IQCM: variants seen among roughly 807,000 people sequenced by gnomAD.
IQCM encodes IQ domain-containing protein M.
In IQCM, 45 loss-of-function variants were observed where a neutral mutation model predicts 57.6. That is an observed-to-expected ratio of 0.78 (90% CI 0.62 to 1.00). The LOEUF is 1.00. Ranked by LOEUF, IQCM falls within the 50% of genes least tolerant of loss-of-function variation. IQCM has a pLI of 0.00. For missense variants in IQCM, 468 were observed against 511.6 expected (o/e 0.91, Z 0.82); for synonymous variants, 148 against 158.9 (o/e 0.93, Z 0.51).
At chr4:149,728,269 T>C (rs1766142656) in intron 5 of IQCM, among the ~76,000 whole-genome samples, 1 of 152,214 alleles carries the variant, frequency 6.6e-6, no homozygotes, top group South Asian at 2.1e-4. Context: ...ATCTTTTATA[T>C]CTTAGCTCAA....
chr4:149,558,922 T>G (rs1258436832), intron 10 of IQCM, among the ~76,000 whole-genome samples: 4 of 152,196 alleles, frequency 2.6e-5, no homozygotes, highest in Non-Finnish European at 4.4e-5. Context: ...TTAAACTCAG[T>G]GTTGAAAACT....
chr4:149,565,623 TAAG>T (rs1047448573), intron 9 of IQCM, among the ~76,000 whole-genome samples: 24 of 152,326 alleles, frequency 1.6e-4, no homozygotes, highest in African/African-American at 5.5e-4. Context: ...GAAATTTTCA[TAAG>T]AAGAATTTGT....
At chr4:149,436,400 A>C (rs72724082) in intron 12 of IQCM, among the ~76,000 whole-genome samples, 1,622 of 152,214 alleles carry the variant, frequency 0.011, 12 homozygotes, top group Non-Finnish European at 0.015. Context: ...CAATGGAGTG[A>C]GTGTTGAATT....
rs185450876 is a variant in IQCM at position 149,411,222 on chromosome 4, C to A, written c.1390+22174G>T. 1.9e-3 allele frequency among the ~76,000 whole-genome samples: 293 copies of A among 152,148 alleles called. 3 individuals carry two copies. The highest frequency in any genetic ancestry group is 6.8e-3 in the African/African-American group (282 of 41,548). On this transcript the variant is annotated intron_variant, in intron 13 of 13. Coordinates refer to ENST00000636793, the MANE Select transcript of IQCM (RefSeq NM_001363507.2). ...AGCAATTTTTTTCTACAATGTTTTT[C>A]AAATATCATTTTTACATGACTAATA...
intron 7 of IQCM, among the ~76,000 whole-genome samples, chr4:149,660,514 T>C (rs1760086411): frequency 6.6e-6 from 1 of 152,180 alleles, no homozygotes; most frequent in Non-Finnish European, 1.5e-5. Flanking sequence ...ATCATGCTGC[T>C]ACAAAGACAC....
intron 2 of IQCM, among the ~76,000 whole-genome samples, chr4:149,804,985 G>T (rs1238747052): frequency 6.6e-6 from 1 of 152,046 alleles, no homozygotes; most frequent in African/African-American, 2.4e-5. Flanking sequence ...AATCTTGAAT[G>T]ATGATGGGAG....
At chr4:149,650,515 C>T (rs142459011) in intron 7 of IQCM, among the ~76,000 whole-genome samples, 2,104 of 151,802 alleles carry the variant, frequency 0.014, 35 homozygotes, top group Non-Finnish European at 0.02. Context: ...GCCTCAGCCT[C>T]CCAAGTAGCT....
At chr4:149,629,570 G>GA (rs1171234347) in intron 7 of IQCM, among the ~76,000 whole-genome samples, 6 of 151,056 alleles carry the variant, frequency 4.0e-5, no homozygotes, top group Admixed American at 1.3e-4. Flanking sequence ...TTAACTAAGA[G>GA]AAAAAAAAAT....
rs1762491344 is a variant in IQCM at position 149,685,574 on chromosome 4, CGTT to C, written c.476+801_476+803del. Among the ~76,000 whole-genome samples the C allele has an allele frequency of 4.0e-5, 6 of 151,544 alleles. No individual in the cohort carries two copies. In the South Asian group the frequency reaches 1.2e-3, roughly 31 times the overall value. On this transcript the variant is annotated intron_variant, in intron 6 of 13. Transcript: ENST00000636793. ...TTAAGCACATAGCTCACAACTTAAA[CGTT>C]GGAAGACCCATAAAGTTCTTCATAG...
chr4:149,694,520 G>A (rs1018742149), intron 5 of IQCM, among the ~76,000 whole-genome samples: 1 of 151,676 alleles, frequency 6.6e-6, no homozygotes, highest in African/African-American at 2.4e-5. Flanking sequence ...CCTTCATAAA[G>A]AATCCCTATT....
chr4:149,574,158 C>T (rs180810136), intron 9 of IQCM, among the ~76,000 whole-genome samples: 18 of 151,998 alleles, frequency 1.2e-4, no homozygotes, highest in African/African-American at 4.3e-4. Flanking sequence ...TTGTGACTGT[C>T]AGATACATGG....
intron 8 of IQCM, among the ~76,000 whole-genome samples, chr4:149,598,299 A>T (rs1753959970): frequency 6.6e-6 from 1 of 152,132 alleles, no homozygotes. Flanking sequence ...AAAGAACTAA[A>T]CTCTAGAAGT....
intron 7 of IQCM, among the ~76,000 whole-genome samples, chr4:149,627,674 C>T (rs1313198874): frequency 6.6e-6 from 1 of 152,142 alleles, no homozygotes; most frequent in Non-Finnish European, 1.5e-5. Context: ...GGGAAAAGGT[C>T]TCTGTGGTAG....
chr4:149,610,610 C>T (rs897219677), intron 8 of IQCM, among the ~76,000 whole-genome samples: 14 of 151,846 alleles, frequency 9.2e-5, no homozygotes, highest in Non-Finnish European at 1.8e-4. Flanking sequence ...GCCAAGAACA[C>T]GGCCTGGGAA....
intron 13 of IQCM, among the ~76,000 whole-genome samples, chr4:149,374,318 G>A (rs1730564524): frequency 6.6e-6 from 1 of 152,060 alleles, no homozygotes; most frequent in African/African-American, 2.4e-5. Context: ...TTCCTGCCCT[G>A]GGTTTTGACT....
intron 13 of IQCM, among the ~76,000 whole-genome samples, chr4:149,414,932 T>G (rs557430564): frequency 2.0e-5 from 3 of 152,202 alleles, no homozygotes; most frequent in South Asian, 4.1e-4. Context: ...TGTAGATTCA[T>G]GAAGAAAAAT....
intron 13 of IQCM, among the ~76,000 whole-genome samples, chr4:149,399,962 G>C (rs1578928484): frequency 6.6e-6 from 1 of 151,910 alleles, no homozygotes; most frequent in African/African-American, 2.4e-5. Flanking sequence ...ACACACACAT[G>C]CACACACATA....
At chr4:149,813,647 T>C (rs1370328390) in intron 2 of IQCM, among the ~76,000 whole-genome samples, 2 of 152,122 alleles carry the variant, frequency 1.3e-5, no homozygotes, top group African/African-American at 4.8e-5. Flanking sequence ...TAGATACCTA[T>C]ATGTCTTCCC....
Position 149,799,724 on chromosome 4 carries a change from C to G in IQCM, c.-49+15587G>C, listed in dbSNP as rs1447088131. ...ACTACATGCCAATAAATTGAAAAAT[C>G]TAGAAGAAATGGACAGATTCCAAGA... On this transcript the variant is annotated intron_variant, in intron 2 of 13. Transcript: ENST00000636793. 2.0e-5 allele frequency among the ~76,000 whole-genome samples: 3 copies of G among 151,578 alleles called. No individual in the cohort carries two copies. The East Asian group carries it at 5.8e-4, about 29-fold the overall frequency.
Sources: allele counts gnomAD v4.1 joint callset (sites outside exome capture counted in the v4.1 genomes callset), GRCh38; gene constraint gnomAD v4.1.1; transcripts MANE v1.5; gene names NCBI Gene and HGNC (gene_info 2026-07-23, HGNC 2026-07-21).